Variants in FGGY observed in about 807,000 individuals in gnomAD.
The protein encoded by FGGY is FGGY carbohydrate kinase domain-containing protein.
FGGY carries 72 observed loss-of-function variants against 71.3 expected under a neutral mutation model. That is an observed-to-expected ratio of 1.01 (90% confidence interval 0.84 to 1.23). FGGY has a LOEUF of 1.23. Ranked by LOEUF, FGGY falls within the 50% of genes most tolerant of loss-of-function variation. FGGY has a pLI of 0.00. For missense variants in FGGY, 668 were observed against 682.3 expected (o/e 0.98, Z 0.23); for synonymous variants, 251 against 250.3 (o/e 1.00, Z -0.02).
intron 6 of FGGY, among the ~76,000 whole-genome samples, chr1:59,484,062 T>C (rs1490598776): frequency 1.3e-5 from 2 of 152,076 alleles, no homozygotes; most frequent in South Asian, 4.1e-4. Context: ...CAGTAACCAA[T>C]GAGGTACAGG....
intron 5 of FGGY, among the ~76,000 whole-genome samples, chr1:59,408,095 T>C (rs1476987889): frequency 6.6e-6 from 1 of 152,206 alleles, no homozygotes; most frequent in East Asian, 1.9e-4. Flanking sequence ...CCATGTGGTG[T>C]CATGATGGAG....
intron 14 of FGGY, chr1:59,698,648 C>T: frequency 1.6e-6 from 1 of 616,692 alleles, no homozygotes; most frequent in Non-Finnish European, 2.0e-6. Context: ...TTTTTTCTTG[C>T]TTCTGACCCA....
At chr1:59,405,722 C>T (rs1407982634) in intron 5 of FGGY, among the ~76,000 whole-genome samples, 3 of 152,080 alleles carry the variant, frequency 2.0e-5, no homozygotes, top group Non-Finnish European at 4.4e-5. Context: ...CTTTAGCCTA[C>T]CCCCCAGTCG....
intron 5 of FGGY, among the ~76,000 whole-genome samples, chr1:59,425,892 T>C (rs1308725207): frequency 6.6e-6 from 1 of 152,244 alleles, no homozygotes; most frequent in Non-Finnish European, 1.5e-5. Context: ...GAATTGATTT[T>C]TCAGTGTTTA....
chr1:59,422,992 G>A (rs921110488), intron 5 of FGGY, among the ~76,000 whole-genome samples: 1 of 152,172 alleles, frequency 6.6e-6, no homozygotes, highest in African/African-American at 2.4e-5. Flanking sequence ...ACACGTGGCA[G>A]CAGGGGTGTT....
In FGGY at chr1:59,655,947, T is replaced by G. The variant is rs72919642; in HGVS notation, c.1222-4272T>G. On this transcript the variant is annotated intron_variant, in intron 11 of 15. Coordinates refer to ENST00000303721, the MANE Select transcript of FGGY (RefSeq NM_018291.5). ...TTCCTCTAAAGCTCATTGTTTCAAT[T>G]GGCATACACCGCTAACCTCGAAAAT... 6.3e-3 allele frequency among the ~76,000 whole-genome samples: 954 copies of G among 152,332 alleles called. 8 individuals are homozygous for G. Among genetic ancestry groups the G allele is most frequent in the African/African-American group, 0.021 (888 of 41,562 alleles).
intron 7 of FGGY, among the ~76,000 whole-genome samples, chr1:59,520,175 G>C (rs2094785789): frequency 6.6e-6 from 1 of 152,204 alleles, no homozygotes; most frequent in Non-Finnish European, 1.5e-5. Flanking sequence ...CATCAATTCA[G>C]CTTATTTCTA....
At chr1:59,673,730 C>T (rs761909674) in intron 13 of FGGY, 50 of 312,912 alleles carry the variant, frequency 1.6e-4, no homozygotes, top group Non-Finnish European at 2.7e-4. Context: ...ATCAGTGGAT[C>T]TGAACTTGAA....
chr1:59,573,103 T>C (rs985764523), intron 8 of FGGY, among the ~76,000 whole-genome samples: 13 of 152,036 alleles, frequency 8.6e-5, no homozygotes, highest in Non-Finnish European at 1.6e-4. Context: ...TCTTCAAAAA[T>C]GCCAAGGTCA....
At chr1:59,327,950 T>C (rs2047729219) in intron 2 of FGGY, among the ~76,000 whole-genome samples, 1 of 152,240 alleles carries the variant, frequency 6.6e-6, no homozygotes, top group Non-Finnish European at 1.5e-5. Context: ...TAAACCATGC[T>C]GTAAATAGAT....
intron 8 of FGGY, among the ~76,000 whole-genome samples, chr1:59,568,508 A>G (rs564767982): frequency 1.5e-4 from 23 of 151,538 alleles, no homozygotes; most frequent in Non-Finnish European, 3.1e-4. Context: ...CAGTGTTTAG[A>G]TGAGGAAACT....
intron 13 of FGGY, among the ~76,000 whole-genome samples, chr1:59,668,931 C>T (rs1435165662): frequency 7.1e-6 from 1 of 141,628 alleles, no homozygotes; most frequent in Non-Finnish European, 1.5e-5. Flanking sequence ...GCGGAGGTTG[C>T]AGTGAGCCGA....
At chr1:59,759,529 G>GT (rs576226099) in intron 15 of FGGY, among the ~76,000 whole-genome samples, 25 of 152,308 alleles carry the variant, frequency 1.6e-4, no homozygotes, top group African/African-American at 4.1e-4. Context: ...AAGTTTTTAA[G>GT]TTTTTTCCGT....
At chr1:59,326,861 A>G (rs1216053902) in intron 2 of FGGY, among the ~76,000 whole-genome samples, 2 of 152,220 alleles carry the variant, frequency 1.3e-5, no homozygotes, top group Non-Finnish European at 2.9e-5. Flanking sequence ...CAAAGCTCAC[A>G]TGAATTTTTG....
At chr1:59,592,008 C>A (rs1165849625) in intron 8 of FGGY, among the ~76,000 whole-genome samples, 2 of 152,158 alleles carry the variant, frequency 1.3e-5, no homozygotes, top group African/African-American at 4.8e-5. Flanking sequence ...AGGCAACCTA[C>A]AAAATGGGTG....
chr1:59,679,623 CTTA>C (rs1174305208), intron 14 of FGGY, among the ~76,000 whole-genome samples: 1 of 151,746 alleles, frequency 6.6e-6, no homozygotes, highest in Non-Finnish European at 1.5e-5. Flanking sequence ...AAATTATTTA[CTTA>C]TTAACTATTT....
intron 5 of FGGY, among the ~76,000 whole-genome samples, chr1:59,428,016 G>A (rs1351389654): frequency 6.6e-6 from 1 of 152,154 alleles, no homozygotes; most frequent in Non-Finnish European, 1.5e-5. Flanking sequence ...GGGGATGGCT[G>A]GGAAGCCCAT....
chr1:59,592,168 A>G (rs948630502), intron 8 of FGGY, among the ~76,000 whole-genome samples: 3 of 152,270 alleles, frequency 2.0e-5, no homozygotes, highest in East Asian at 1.9e-4. Context: ...TATGCAGCAA[A>G]AAAACACATG....
At chr1:59,698,283 C>T (rs566212971) in intron 14 of FGGY, among the ~76,000 whole-genome samples, 42 of 152,246 alleles carry the variant, frequency 2.8e-4, no homozygotes, top group Admixed American at 7.2e-4. Context: ...TCATCAAAAA[C>T]ACTGAGTAGA....
Sources: allele counts gnomAD v4.1 joint callset (sites outside exome capture counted in the v4.1 genomes callset), GRCh38; gene constraint gnomAD v4.1.1; transcripts MANE v1.5; gene names NCBI Gene and HGNC (gene_info 2026-07-23, HGNC 2026-07-21).